The following CA10 variants were observed in gnomAD, a reference collection of about 807,000 sequenced individuals.
CA10 encodes the protein carbonic anhydrase 10 (inactive), also known as carbonic anhydrase-related protein 10.
In CA10, 14 loss-of-function variants were observed where a neutral mutation model predicts 44.2. The observed-to-expected ratio is 0.32, with a 90% CI of 0.21 to 0.50. The LOEUF is 0.50. CA10 is among the 20% of genes least tolerant of loss of function. The probability of loss-of-function intolerance (pLI) is 0.99; values close to 1 mark genes in which losing one functional copy is unlikely to be tolerated. For missense variants in CA10, 350 were observed against 409.7 expected, an observed-to-expected ratio of 0.85 and a Z score of 1.26; for synonymous variants, 159 against 141.6, an observed-to-expected ratio of 1.12 and a Z score of -0.87.
At chr17:52,094,085 G>A (rs1988340312) in intron 1 of CA10, among the ~76,000 whole-genome samples, 1 of 152,034 alleles carries the variant, frequency 6.6e-6, no homozygotes, top group South Asian at 2.1e-4. Flanking sequence ...ATAAGTGGGA[G>A]CTGAACAATG....
At chr17:52,080,477 T>G in intron 1 of CA10, among the ~76,000 whole-genome samples, 1 of 147,260 alleles carries the variant, frequency 6.8e-6, no homozygotes, top group East Asian at 2.0e-4. Flanking sequence ...AATAAATAAA[T>G]AAATAAATAA....
intron 2 of CA10, among the ~76,000 whole-genome samples, chr17:52,038,195 C>A (rs1217266013): frequency 6.6e-6 from 1 of 152,142 alleles, no homozygotes; most frequent in Non-Finnish European, 1.5e-5. Flanking sequence ...AACTGAACAA[C>A]TGAGTGGGAT....
At chr17:52,141,234 T>C (rs1043998408) in intron 1 of CA10, among the ~76,000 whole-genome samples, 1 of 152,176 alleles carries the variant, frequency 6.6e-6, no homozygotes, top group East Asian at 1.9e-4. Flanking sequence ...AAGGGAGCTT[T>C]ATAAATGCAA....
intron 1 of CA10, among the ~76,000 whole-genome samples, chr17:52,114,805 T>A (rs9893317): frequency 0.64 from 97,713 of 152,030 alleles, 33,542 homozygotes; most frequent in African/African-American, 0.88. Flanking sequence ...TTGTCCTTCT[T>A]CCTATCAGGT....
In CA10 at chr17:51,765,591, A is replaced by G. The variant is rs190231747; in HGVS notation, c.280-17773T>C. ...TCCTTCATTATATTTCCATTACTGC[A>G]TTAATGCAGCGATCTCCATTTTAGT... On this transcript the variant is annotated intron_variant, in intron 3 of 8. Coordinates refer to ENST00000451037, the MANE Select transcript of CA10 (RefSeq NM_020178.5). Among the ~76,000 whole-genome samples, 510 of 152,162 alleles carry G rather than the reference A, an allele frequency of 3.4e-3. 2 individuals are homozygous for G. The highest frequency in any genetic ancestry group is 5.1e-3 in the Non-Finnish European group (344 of 68,020).
In CA10 at chr17:51,908,903, T is replaced by A. The variant is rs544664644; in HGVS notation, c.279+22087A>T. Among the ~76,000 whole-genome samples the A allele has an allele frequency of 1.6e-4, 24 of 152,258 alleles. No homozygotes were observed. The South Asian group carries it at 5.0e-3, about 32-fold the overall frequency. ...AAATGCAGAGAGAATCAAACTCTGA[T>A]TATGCTAATCTGATATCGACACAAA... On this transcript the variant is annotated intron_variant, in intron 3 of 8. Coordinates refer to ENST00000451037, the MANE Select transcript of CA10 (RefSeq NM_020178.5).
chr17:51,942,104 A>C (rs1478169974), intron 2 of CA10, among the ~76,000 whole-genome samples: 1 of 152,132 alleles, frequency 6.6e-6, no homozygotes, highest in East Asian at 1.9e-4. Flanking sequence ...TGGATACCTC[A>C]GTTTTTGCAA....
At chr17:51,946,279 C>G (rs886374875) in intron 2 of CA10, among the ~76,000 whole-genome samples, 5 of 152,074 alleles carry the variant, frequency 3.3e-5, no homozygotes, top group African/African-American at 1.2e-4. Flanking sequence ...TTGGAAAGTG[C>G]TAAGAACAGA....
chr17:52,086,038 C>T (rs1988108511), intron 1 of CA10, among the ~76,000 whole-genome samples: 1 of 152,096 alleles, frequency 6.6e-6, no homozygotes, highest in Admixed American at 6.6e-5. Flanking sequence ...CGATATGATT[C>T]AATTCAATCA....
At position 52,158,572 on chromosome 17, in the gene CA10, G is replaced by C. The variant is rs1989870383; in HGVS notation, c.-786C>G. The stretch of plus-strand genomic sequence containing the variant: ...GGGGAAGGGCTGGGCCCCGGGGACT[G>C]GGGCGCGGTGGGGGCACACAGACTC... On this transcript the variant is annotated 5_prime_UTR_variant, in exon 1 of 9. Coordinates refer to ENST00000451037, the MANE Select transcript of CA10 (RefSeq NM_020178.5). 6.5e-6 allele frequency: 1 copy of C among 153,234 alleles called. No individual in the cohort carries two copies. The highest frequency in any genetic ancestry group is 2.4e-5 in the African/African-American group (1 of 41,464). The allele number at this position is 153,234 out of a possible 1,614,324, so 9.5% of individuals were successfully genotyped here.
chr17:52,042,785 C>T (rs927549394), intron 2 of CA10, among the ~76,000 whole-genome samples: 19 of 151,930 alleles, frequency 1.3e-4, no homozygotes, highest in African/African-American at 4.6e-4. Context: ...TGATGTAAAA[C>T]AACGGTCTAA....
At chr17:51,831,533 G>A (rs183615599) in intron 3 of CA10, among the ~76,000 whole-genome samples, 2 of 152,198 alleles carry the variant, frequency 1.3e-5, no homozygotes, top group East Asian at 1.9e-4. Flanking sequence ...TTGTCTAAAG[G>A]TCACTGTCAA....
chr17:51,870,093 C>A (rs138466127), intron 3 of CA10, among the ~76,000 whole-genome samples: 21 of 152,318 alleles, frequency 1.4e-4, no homozygotes, highest in Admixed American at 4.6e-4. Flanking sequence ...ATTCAAGAAT[C>A]TGACATACAG....
At chr17:51,782,346 C>T (rs946679992) in intron 3 of CA10, among the ~76,000 whole-genome samples, 3 of 152,212 alleles carry the variant, frequency 2.0e-5, no homozygotes, top group African/African-American at 7.2e-5. Flanking sequence ...ACACAAGCAC[C>T]TGGATGCTGT....
At chr17:51,945,345 G>C (rs1252195178) in intron 2 of CA10, among the ~76,000 whole-genome samples, 2 of 152,240 alleles carry the variant, frequency 1.3e-5, no homozygotes, top group East Asian at 1.9e-4. Context: ...CATCAAGGGT[G>C]GGGTAAATAT....
intron 4 of CA10, among the ~76,000 whole-genome samples, chr17:51,726,023 G>GA (rs1226650885): frequency 2.0e-5 from 3 of 152,180 alleles, no homozygotes; most frequent in Non-Finnish European, 4.4e-5. Context: ...TGGGGTTGGA[G>GA]AAGTCTTCAT....
chr17:51,778,220 T>C (rs1457263345), intron 3 of CA10, among the ~76,000 whole-genome samples: 2 of 152,176 alleles, frequency 1.3e-5, no homozygotes, highest in African/African-American at 4.8e-5. Context: ...TTGTTTACCT[T>C]GGGTTAGTCT....
chr17:51,986,670 C>G (rs949199074), intron 2 of CA10, among the ~76,000 whole-genome samples: 1 of 151,818 alleles, frequency 6.6e-6, no homozygotes, highest in Non-Finnish European at 1.5e-5. Context: ...AAGAAAAAAA[C>G]AAATAATCCC....
chr17:51,876,131 T>C (rs988870021), intron 3 of CA10, among the ~76,000 whole-genome samples: 7 of 151,224 alleles, frequency 4.6e-5, no homozygotes, highest in Admixed American at 3.3e-4. Context: ...GTAGGTTTTA[T>C]GTGAAGATAA....
Sources: gnomAD v4.1 joint callset for allele counts (sites outside exome capture counted in the v4.1 genomes callset) on GRCh38, gnomAD v4.1.1 for gene constraint, MANE v1.5 for transcripts, NCBI Gene and HGNC (gene_info 2026-07-23, HGNC 2026-07-21) for gene names.